The following DNER variants were observed in gnomAD, a reference collection of about 807,000 sequenced individuals.
DNER encodes the protein delta/notch like EGF repeat containing, also known as delta and Notch-like epidermal growth factor-related receptor.
In DNER, 33 loss-of-function variants were observed where a neutral mutation model predicts 78.2. The observed-to-expected ratio is 0.42, with a 90% CI of 0.32 to 0.56. The LOEUF (loss-of-function observed/expected upper bound fraction) is 0.56. Ranked by LOEUF, DNER falls within the 20% of genes least tolerant of loss-of-function variation. The probability of loss-of-function intolerance (pLI) is 0.11; values close to 1 mark genes in which losing one functional copy is unlikely to be tolerated. For synonymous variants in DNER, 417 were observed against 384.8 expected, an observed-to-expected ratio of 1.08 and a Z score of -0.98; for missense variants, 918 against 975.3, an observed-to-expected ratio of 0.94 and a Z score of 0.78.
intron 9 of DNER, among the ~76,000 whole-genome samples, chr2:229,416,099 C>G (rs1388007548): frequency 6.6e-6 from 1 of 152,170 alleles, no homozygotes; most frequent in Non-Finnish European, 1.5e-5. Flanking sequence ...TCCACATGCT[C>G]CTTCTTCTGG....
At chr2:229,586,552 A>AAAAAAAAAAAAAAC (rs1559174498) in intron 3 of DNER, 1 of 99,098 alleles carries the variant, frequency 1.0e-5, no homozygotes, top group African/African-American at 8.7e-5. Flanking sequence ...AAAAAAAAAC[A>AAAAAAAAAAAAAAC]CACAAAACCA....
intron 7 of DNER, among the ~76,000 whole-genome samples, chr2:229,474,536 C>A (rs545060960): frequency 6.6e-6 from 1 of 152,160 alleles, no homozygotes; most frequent in South Asian, 2.1e-4. Context: ...GGTGTGCCAC[C>A]GGATAAAGGA....
intron 4 of DNER, among the ~76,000 whole-genome samples, chr2:229,553,018 A>C (rs779998666): frequency 7.2e-5 from 11 of 152,216 alleles, no homozygotes; most frequent in Non-Finnish European, 1.5e-4. Context: ...CCAGGGTTAC[A>C]TGGCTTCTCA....
At chr2:229,603,309 A>G (rs115319600) in intron 1 of DNER, among the ~76,000 whole-genome samples, 4,657 of 152,290 alleles carry the variant, frequency 0.031, 212 homozygotes, top group African/African-American at 0.097. Flanking sequence ...GAATATTAAT[A>G]TTAAATGACG....
chr2:229,593,235 C>T (rs900743436), intron 1 of DNER, among the ~76,000 whole-genome samples: 1 of 151,948 alleles, frequency 6.6e-6, no homozygotes, highest in African/African-American at 2.4e-5. Context: ...TTTGGTCAGG[C>T]CCCTTCCTCT....
chr2:229,510,679 G>A (rs1411816350), intron 6 of DNER, among the ~76,000 whole-genome samples: 1 of 152,190 alleles, frequency 6.6e-6, no homozygotes, highest in African/African-American at 2.4e-5. Flanking sequence ...CTGGGAACAC[G>A]ATGAGTTCAG....
rs146533413 is a variant in DNER, at chr2:229,446,636, G to A, written c.1486+680C>T. ...AGAAACGAGAGGAAAGGGCTGCCCC[G>A]TGCATTCCTTTCTGACTACACTAGT... is the stretch of plus-strand genomic sequence containing the variant. On this transcript the variant is annotated intron_variant, in intron 8 of 12. Coordinates refer to ENST00000341772, the MANE Select transcript of DNER (RefSeq NM_139072.4). Among the ~76,000 whole-genome samples, 329 of 152,268 alleles carry A rather than the reference G, an allele frequency of 2.2e-3. 4 individuals are homozygous for A. The highest frequency in any genetic ancestry group is 7.4e-3 in the African/African-American group (307 of 41,566).
intron 12 of DNER, among the ~76,000 whole-genome samples, chr2:229,365,695 C>T (rs1301690074): frequency 6.6e-6 from 1 of 152,190 alleles, no homozygotes; most frequent in Non-Finnish European, 1.5e-5. Flanking sequence ...CTTGGCCTCC[C>T]AATGTGCTGG....
At chr2:229,678,798 G>A (rs979967236) in intron 1 of DNER, among the ~76,000 whole-genome samples, 2 of 152,106 alleles carry the variant, frequency 1.3e-5, no homozygotes, top group African/African-American at 2.4e-5. Flanking sequence ...GTATTTACAG[G>A]GTATAAGGAA....
chr2:229,621,042 G>C (rs1698243754), intron 1 of DNER, among the ~76,000 whole-genome samples: 1 of 152,224 alleles, frequency 6.6e-6, no homozygotes, highest in African/African-American at 2.4e-5. Context: ...GCGGTGCTTT[G>C]TTATGACGCC....
At chr2:229,479,985 C>A (rs1695121791) in intron 6 of DNER, among the ~76,000 whole-genome samples, 1 of 152,108 alleles carries the variant, frequency 6.6e-6, no homozygotes, top group African/African-American at 2.4e-5. Flanking sequence ...GAATTGCGAC[C>A]ACAGAATGAC....
intron 1 of DNER, among the ~76,000 whole-genome samples, chr2:229,625,528 G>A (rs1051822828): frequency 2.6e-5 from 4 of 152,200 alleles, no homozygotes; most frequent in African/African-American, 9.7e-5. Flanking sequence ...GGAGACGGAG[G>A]GGAGCGGGCT....
intron 5 of DNER, among the ~76,000 whole-genome samples, chr2:229,541,092 G>C (rs1696503753): frequency 6.6e-6 from 1 of 152,200 alleles, no homozygotes; most frequent in African/African-American, 2.4e-5. Flanking sequence ...AAGATGTTGT[G>C]CCTATCCTTT....
At chr2:229,371,123 C>T (rs1692472262) in intron 11 of DNER, among the ~76,000 whole-genome samples, 1 of 152,190 alleles carries the variant, frequency 6.6e-6, no homozygotes, top group African/African-American at 2.4e-5. Flanking sequence ...AGCTAGATTC[C>T]ACCTCACTGT....
At chr2:229,510,262 TGAA>T (rs765791789) in intron 6 of DNER, among the ~76,000 whole-genome samples, 3 of 152,114 alleles carry the variant, frequency 2.0e-5, no homozygotes, top group African/African-American at 7.2e-5. Flanking sequence ...AAGAGCAATG[TGAA>T]GAAGAAGTTT....
chr2:229,598,669 G>A (rs1320854109), intron 1 of DNER, among the ~76,000 whole-genome samples: 7 of 152,064 alleles, frequency 4.6e-5, no homozygotes, highest in Admixed American at 2.6e-4. Flanking sequence ...GAATGATAGC[G>A]GCAGCTTTCG....
At chr2:229,475,302 C>G (rs1695008032) in intron 7 of DNER, among the ~76,000 whole-genome samples, 1 of 152,190 alleles carries the variant, frequency 6.6e-6, no homozygotes, top group Non-Finnish European at 1.5e-5. Context: ...GATGAAAGGC[C>G]TTGCGGGGCT....
chr2:229,513,022 C>A (rs1284763268), intron 5 of DNER, 86 bp from the exon 6 acceptor site: 4 of 1,412,486 alleles, frequency 2.8e-6, no homozygotes, highest in Non-Finnish European at 3.8e-6. Context: ...TTGAAAGAAC[C>A]ACTTCCTTTT....
intron 1 of DNER, among the ~76,000 whole-genome samples, chr2:229,685,452 G>A (rs933160679): frequency 8.4e-6 from 1 of 119,086 alleles, no homozygotes; most frequent in African/African-American, 3.3e-5. Flanking sequence ...AGCTCATAAT[G>A]TTGCTGGGAA....
Sources: allele counts gnomAD v4.1 joint callset (sites outside exome capture counted in the v4.1 genomes callset), GRCh38; gene constraint gnomAD v4.1.1; transcripts MANE v1.5; gene names NCBI Gene and HGNC (gene_info 2026-07-23, HGNC 2026-07-21).